The following C7 variants were observed in gnomAD, a reference collection of about 807,000 sequenced individuals.
C7 encodes complement C7, also known as complement component C7.
Under a neutral mutation model 104.8 loss-of-function variants are expected in C7, and 83 were observed. The ratio of observed to expected loss-of-function variants is 0.79; its 90% CI spans 0.66 to 0.95. The LOEUF (loss-of-function observed/expected upper bound fraction) is 0.95. C7 is among the 40% of genes least tolerant of loss of function. C7 has a pLI of 0.00. For synonymous variants in C7, 415 were observed against 360.6 expected (o/e 1.15, Z -1.71); for missense variants, 1,070 against 1,011.2 (o/e 1.06, Z -0.79).
At chr5:40,939,067 C>A (rs1739876086) in intron 6 of C7, among the ~76,000 whole-genome samples, 1 of 152,170 alleles carries the variant, frequency 6.6e-6, no homozygotes, top group Admixed American at 6.5e-5. Flanking sequence ...TCTAATTCAG[C>A]TTTTAATATT....
intron 6 of C7, among the ~76,000 whole-genome samples, chr5:40,943,656 T>C (rs1450860116): frequency 6.6e-6 from 1 of 151,484 alleles, no homozygotes; most frequent in Non-Finnish European, 1.5e-5. Context: ...AATATATATG[T>C]GTGTATGTGT....
At chr5:40,957,847 A>T in intron 10 of C7, among the ~76,000 whole-genome samples, 186 bp from the exon 11 acceptor site, 1 of 149,764 alleles carries the variant, frequency 6.7e-6, no homozygotes, top group African/African-American at 2.5e-5. Context: ...AATTTTCCCT[A>T]AGTTTGTCTT....
intron 1 of C7, 110 bp from the exon 2 acceptor site, chr5:40,928,470 A>T: frequency 1.6e-6 from 1 of 640,674 alleles, no homozygotes; most frequent in Non-Finnish European, 2.7e-6. Context: ...GTATTGAGAA[A>T]TAATAACATC....
intron 6 of C7, among the ~76,000 whole-genome samples, chr5:40,940,767 C>G (rs911966152): frequency 5.3e-5 from 8 of 152,024 alleles, no homozygotes; most frequent in Admixed American, 2.0e-4. Flanking sequence ...CTTATAATAA[C>G]CTAAGGAGGT....
At position 40,964,982 on chromosome 5, in the gene C7, T is replaced by G. The variant is rs895518260; in HGVS notation, c.1882+109T>G. On this transcript the variant is annotated intron_variant, in intron 14 of 17. Transcript: ENST00000313164. ...GGCCCATGTGTTGGCCTTCCTTTCC[T>G]GTAAGGCTGACATGATCCTGTTCAA... The G allele has an allele frequency of 4.8e-6, 6 of 1,240,400 alleles. No individual in the cohort carries two copies. The African/African-American group carries it at 7.6e-5, about 16-fold the overall frequency. 76.8% of individuals were successfully genotyped at this position (1,240,400 alleles called of 1,614,324 possible).
intron 10 of C7, among the ~76,000 whole-genome samples, chr5:40,956,403 G>A (rs1740291610): frequency 6.6e-6 from 1 of 152,184 alleles, no homozygotes; most frequent in South Asian, 2.1e-4. Flanking sequence ...TGACATAGAT[G>A]TTGAGGGGTG....
intron 14 of C7, among the ~76,000 whole-genome samples, chr5:40,969,114 T>A (rs1740634428): frequency 6.6e-6 from 1 of 152,024 alleles, no homozygotes; most frequent in African/African-American, 2.4e-5. Context: ...TTTATTATAA[T>A]GAATGAGCCT....
chr5:40,980,187 T>C (rs1481737770), intron 17 of C7: 1 of 306,442 alleles, frequency 3.3e-6, no homozygotes, highest in Non-Finnish European at 5.9e-6. Flanking sequence ...TACTCTGTCC[T>C]TGTATTATCC....
At chr5:40,922,239 G>T (rs928011225) in intron 1 of C7, among the ~76,000 whole-genome samples, 2 of 151,416 alleles carry the variant, frequency 1.3e-5, no homozygotes, top group South Asian at 2.1e-4. Flanking sequence ...GCCAGGTATG[G>T]TGGCACACAC....
chr5:40,934,322 T>C lies in C7; in HGVS notation c.139-3T>C, dbSNP rs535706268. ...AACAAACCACTGCCTGCTTTGTGTT[T>C]AGACTCGCAGGCGGTCAGTTGCTGT... On this transcript the variant is annotated splice_polypyrimidine_tract_variant and splice_region_variant and intron_variant, in intron 3 of 17. Coordinates refer to ENST00000313164, the MANE Select transcript of C7 (RefSeq NM_000587.4). 178 of 1,588,316 alleles carry C rather than the reference T, an allele frequency of 1.1e-4. No individual in the cohort carries two copies. The highest frequency in any genetic ancestry group is 1.7e-4 in the Middle Eastern group (1 of 5,946).
intron 15 of C7, among the ~76,000 whole-genome samples, chr5:40,974,165 T>A (rs548212533): frequency 2.0e-5 from 3 of 152,270 alleles, no homozygotes; most frequent in Non-Finnish European, 2.9e-5. Context: ...TTTTTTTTCA[T>A]CTTTCCAAAC....
rs111633731 is a variant in C7 at position 40,968,848 on chromosome 5, G to C, written c.1883-3555G>C. On this transcript the variant is annotated intron_variant, in intron 14 of 17. Coordinates refer to ENST00000313164, the MANE Select transcript of C7 (RefSeq NM_000587.4). ...GCTGTTCTCAAACTCCTGAGCTCAA[G>C]TGATCTGCCTGCTTCAGTCTCCCAA... Among the ~76,000 whole-genome samples the C allele has an allele frequency of 1.6e-3, 235 of 151,480 alleles. 1 individual carries two copies. Among genetic ancestry groups the C allele is most frequent in the African/African-American group, 5.4e-3 (225 of 41,380 alleles).
chr5:40,949,366 A>AAG (rs1237252994), intron 8 of C7, among the ~76,000 whole-genome samples: 1 of 151,498 alleles, frequency 6.6e-6, no homozygotes, highest in Non-Finnish European at 1.5e-5. Context: ...TTGGCAAAAA[A>AAG]AAAAAAACAC....
chr5:40,925,847 C>A (rs1739540094), intron 1 of C7, among the ~76,000 whole-genome samples: 1 of 152,130 alleles, frequency 6.6e-6, no homozygotes, highest in South Asian at 2.1e-4. Flanking sequence ...AGAGCTAATA[C>A]TAATCATTTT....
At chr5:40,968,613 T>TA in intron 14 of C7, among the ~76,000 whole-genome samples, 1 of 47,014 alleles carries the variant, frequency 2.1e-5, no homozygotes, top group African/African-American at 1.1e-4. Context: ...TTTTTTTTTT[T>TA]TTTTTTTTTT....
At chr5:40,924,701 G>A (rs1469898334) in intron 1 of C7, among the ~76,000 whole-genome samples, 1 of 152,182 alleles carries the variant, frequency 6.6e-6, no homozygotes, top group African/African-American at 2.4e-5. Context: ...CTTGCACTAT[G>A]TGTGCCTATG....
chr5:40,940,967 T>C (rs943523674), intron 6 of C7, among the ~76,000 whole-genome samples: 4 of 152,084 alleles, frequency 2.6e-5, no homozygotes, highest in Non-Finnish European at 5.9e-5. Flanking sequence ...AGTGAATATC[T>C]CTATATCTAT....
rs1465297413 is a variant in C7 at position 40,959,631 on chromosome 5, C to T, written c.1661+11C>T. On this transcript the variant is annotated intron_variant, in intron 12 of 17. Coordinates refer to ENST00000313164, the MANE Select transcript of C7 (RefSeq NM_000587.4). Reference sequence around the variant, plus strand: ...GCTGGAGCACTTGAGGTAATGGAGACCCGACCCCCTGGCAGTTGCATAGAA... The same window carrying T: ...GCTGGAGCACTTGAGGTAATGGAGATCCGACCCCCTGGCAGTTGCATAGAA... The T allele has an allele frequency of 1.8e-5, 28 of 1,567,480 alleles. No homozygotes were observed. Among genetic ancestry groups the T allele is most frequent in the Non-Finnish European group, 2.4e-5 (28 of 1,157,108 alleles).
chr5:40,967,564 G>T (rs1291800375), intron 14 of C7: 1 of 165,824 alleles, frequency 6.0e-6, no homozygotes, highest in East Asian at 1.7e-4. Flanking sequence ...TTCTACACAG[G>T]TCTAAGCAAT....
Sources: allele counts gnomAD v4.1 joint callset (sites outside exome capture counted in the v4.1 genomes callset), GRCh38; gene constraint gnomAD v4.1.1; transcripts MANE v1.5; gene names NCBI Gene and HGNC (gene_info 2026-07-23, HGNC 2026-07-21).